Variants in PAPPA observed in about 807,000 individuals in gnomAD.
PAPPA encodes pappalysin 1.
Under a neutral mutation model 164.0 loss-of-function variants are expected in PAPPA, and 60 were observed. That is an observed-to-expected ratio of 0.37 (90% confidence interval 0.30 to 0.45). The LOEUF (loss-of-function observed/expected upper bound fraction) is 0.45. Ranked by LOEUF, PAPPA falls within the 20% of genes least tolerant of loss-of-function variation. The pLI is 1.00. For missense variants in PAPPA, 1,782 were observed against 2,087.3 expected (o/e 0.85, Z 2.85); for synonymous variants, 875 against 814.1 (o/e 1.07, Z -1.27).
chr9:116,352,051 A>T (rs547532919), intron 15 of PAPPA, among the ~76,000 whole-genome samples: 1 of 152,248 alleles, frequency 6.6e-6, no homozygotes, highest in Non-Finnish European at 1.5e-5. Context: ...CCATCAGACC[A>T]GCTTCCCAAT....
At chr9:116,349,211 T>C (rs1846250592) in intron 15 of PAPPA, among the ~76,000 whole-genome samples, 1 of 151,400 alleles carries the variant, frequency 6.6e-6, no homozygotes, top group African/African-American at 2.4e-5. Context: ...CCAGTCCAGC[T>C]AGTGCATTTT....
At position 116,382,725 on chromosome 9, in the gene PAPPA, C is replaced by T. The variant is rs993916072; in HGVS notation, c.4776+232C>T. Among the ~76,000 whole-genome samples the T allele has an allele frequency of 5.9e-5, 9 of 151,988 alleles. No individual in the cohort carries two copies. In the East Asian group the frequency reaches 1.4e-3, roughly 23 times the overall value. On this transcript the variant is annotated intron_variant, in intron 21 of 21. Transcript: ENST00000328252. ...GGTTCTCAAAGCTTAGAATTGGGTACGGAAGCAGGTAATAAAACTGCAATA... is the reference window on the plus strand; with the variant it reads ...GGTTCTCAAAGCTTAGAATTGGGTATGGAAGCAGGTAATAAAACTGCAATA...
At chr9:116,330,128 G>A (rs771995108) in intron 10 of PAPPA, among the ~76,000 whole-genome samples, 8 of 151,972 alleles carry the variant, frequency 5.3e-5, no homozygotes, top group South Asian at 2.1e-4. Flanking sequence ...CGTACTTTTC[G>A]GATGAGTAGA....
At chr9:116,224,457 G>C (rs182658676) in intron 5 of PAPPA, among the ~76,000 whole-genome samples, 57 of 152,244 alleles carry the variant, frequency 3.7e-4, no homozygotes, top group Non-Finnish European at 7.2e-4. Flanking sequence ...TCTCAACCAA[G>C]GTTCCTCTTC....
At chr9:116,346,424 C>T (rs1336863128) in intron 14 of PAPPA, among the ~76,000 whole-genome samples, 1 of 152,070 alleles carries the variant, frequency 6.6e-6, no homozygotes, top group African/African-American at 2.4e-5. Context: ...TGAGTTCAAT[C>T]CATCCATTTT....
intron 7 of PAPPA, among the ~76,000 whole-genome samples, chr9:116,244,204 T>G (rs541045643): frequency 5.1e-4 from 78 of 152,252 alleles, no homozygotes; most frequent in Admixed American, 2.0e-3. Flanking sequence ...GCCTTCTCAA[T>G]TTTGAAAGGG....
intron 4 of PAPPA, 50 bp from the exon 5 acceptor site, chr9:116,219,887 C>G (rs1297953710): frequency 6.8e-7 from 1 of 1,478,560 alleles, no homozygotes; most frequent in Admixed American, 1.8e-5. Flanking sequence ...CTCTCATATG[C>G]CTGCCTGCCT....
intron 18 of PAPPA, among the ~76,000 whole-genome samples, chr9:116,367,108 G>T (rs56258143): frequency 0.018 from 2,787 of 152,310 alleles, 103 homozygotes; most frequent in African/African-American, 0.064. Flanking sequence ...CTTCTTAGAA[G>T]AATTGAACTG....
At chr9:116,343,913 A>T (rs1050460506) in intron 13 of PAPPA, among the ~76,000 whole-genome samples, 1 of 152,010 alleles carries the variant, frequency 6.6e-6, no homozygotes, top group African/African-American at 2.4e-5. Flanking sequence ...GGCGCCTGCC[A>T]CCACGCCCAG....
chr9:116,226,697 C>T (rs1196431988), intron 5 of PAPPA, among the ~76,000 whole-genome samples: 2 of 152,148 alleles, frequency 1.3e-5, no homozygotes, highest in African/African-American at 4.8e-5. Flanking sequence ...TGAGTAGGAT[C>T]CCAGAGACTC....
intron 7 of PAPPA, among the ~76,000 whole-genome samples, chr9:116,263,909 T>C (rs909208427): frequency 1.3e-5 from 2 of 152,118 alleles, no homozygotes; most frequent in Non-Finnish European, 2.9e-5. Context: ...AAAAACACAA[T>C]GTAGAGAAGT....
intron 8 of PAPPA, among the ~76,000 whole-genome samples, chr9:116,266,628 C>G (rs2118815242): frequency 6.6e-6 from 1 of 152,216 alleles, no homozygotes; most frequent in East Asian, 1.9e-4. Flanking sequence ...ATCAGATTAT[C>G]AACCCATTCA....
In PAPPA at chr9:116,344,654, C is replaced by G. The variant is rs915780490; in HGVS notation, c.3723C>G (p.Ser1241Arg). 6.2e-7 allele frequency: 1 copy of G among 1,614,046 alleles called. No individual in the cohort carries two copies. Among genetic ancestry groups the G allele is most frequent in the African/African-American group, 1.3e-5 (1 of 74,920 alleles). Residue 1241 changes from serine (S) to arginine (R), a missense_variant, in exon 14 of 22, where the codon AGC becomes AGG. By Grantham distance (110) the Ser-to-Arg change is moderately radical. Coordinates refer to ENST00000328252, the MANE Select transcript of PAPPA (RefSeq NM_002581.5). ...ACCACGGTGCCCAGTGTACTGTGAG[C>G]TGCCGGACAGGCTACGTGCTCCAGA... ...DRYHGAQCTV[S>R]CRTGYVLQIR...
chr9:116,369,446 G>A (rs1474909447), intron 19 of PAPPA, among the ~76,000 whole-genome samples: 2 of 152,162 alleles, frequency 1.3e-5, no homozygotes, highest in African/African-American at 2.4e-5. Context: ...CAACTGGAAC[G>A]ACAAGCTGGA....
At chr9:116,348,762 T>C (rs1480075959) in intron 15 of PAPPA, among the ~76,000 whole-genome samples, 1 of 152,190 alleles carries the variant, frequency 6.6e-6, no homozygotes, top group Non-Finnish European at 1.5e-5. Context: ...TATTTGTTTT[T>C]TTGTTCCTGC....
At chr9:116,323,115 G>A (rs1157713707) in intron 10 of PAPPA, among the ~76,000 whole-genome samples, 1 of 152,142 alleles carries the variant, frequency 6.6e-6, no homozygotes, top group Non-Finnish European at 1.5e-5. Context: ...CTGCCTTTGT[G>A]TACATCGTGT....
intron 10 of PAPPA, among the ~76,000 whole-genome samples, chr9:116,319,188 G>C (rs539208734): frequency 6.6e-6 from 1 of 152,200 alleles, no homozygotes. Context: ...GCAGGCCTGC[G>C]GAGGGCCCGT....
At chr9:116,315,910 G>T (rs1845782316) in intron 10 of PAPPA, among the ~76,000 whole-genome samples, 1 of 152,200 alleles carries the variant, frequency 6.6e-6, no homozygotes, top group South Asian at 2.1e-4. Context: ...GGCTGTCAGA[G>T]TGATTACATT....
chr9:116,228,340 C>A (rs1159073672), intron 6 of PAPPA, among the ~76,000 whole-genome samples: 1 of 152,168 alleles, frequency 6.6e-6, no homozygotes, highest in Non-Finnish European at 1.5e-5. Flanking sequence ...CCTGCCCCCA[C>A]CCAGTCCCTC....
Sources: allele counts gnomAD v4.1 joint callset (sites outside exome capture counted in the v4.1 genomes callset), GRCh38; gene constraint gnomAD v4.1.1; transcripts MANE v1.5; gene names NCBI Gene and HGNC (gene_info 2026-07-23, HGNC 2026-07-21).